Variants in HMCN2 observed in about 807,000 individuals in gnomAD.
HMCN2 encodes hemicentin-2.
Under a neutral mutation model 377.5 loss-of-function variants are expected in HMCN2, and 325 were observed. The ratio of observed to expected loss-of-function variants is 0.86; its 90% CI spans 0.79 to 0.94. The LOEUF (loss-of-function observed/expected upper bound fraction) is 0.94, where lower values mean the gene tolerates loss of function less well. Among genes scored for constraint, HMCN2 ranks in the 40% least tolerant of loss-of-function variants. The pLI, the probability that HMCN2 is intolerant of heterozygous loss-of-function variation, is 0.00. For missense variants in HMCN2, 4,543 were observed against 4,725.3 expected, an observed-to-expected ratio of 0.96 and a Z score of 1.13; for synonymous variants, 2,007 against 2,046.8, an observed-to-expected ratio of 0.98 and a Z score of 0.53.
chr9:130,303,220 G>A lies in HMCN2; in HGVS notation c.1421+219G>A, dbSNP rs1836618060. Among the ~76,000 whole-genome samples the A allele has an allele frequency of 6.6e-6, 1 of 152,212 alleles. No individual in the cohort carries two copies. Among genetic ancestry groups the A allele is most frequent in the Admixed American group, 6.5e-5 (1 of 15,278 alleles). ...GGGCCATCAGCTGGTGAAGGAGCCGGGGGCCTTCCTCAGCTCCTGGAAAAC... is the reference window on the plus strand; with the variant it reads ...GGGCCATCAGCTGGTGAAGGAGCCGAGGGCCTTCCTCAGCTCCTGGAAAAC... On this transcript the variant is annotated intron_variant, in intron 9 of 97. Coordinates refer to ENST00000683500, the MANE Select transcript of HMCN2 (RefSeq NM_001291815.2). This position sits in a 1 kb window ranked among gnomAD's most constrained non-coding sequence, Gnocchi z 5.2.
chr9:130,429,686 G>T lies in HMCN2; in HGVS notation c.14326+1G>T, dbSNP rs866837160. On this transcript the variant is annotated splice_donor_variant, in intron 94 of 97. Coordinates refer to ENST00000683500, the MANE Select transcript of HMCN2 (RefSeq NM_001291815.2). LOFTEE classifies it high-confidence loss of function. ...CAGGGCCCCAGCCTGCCCTGCCTAGGTACGGGGACACCCACCCTCTGGCCA... is the reference window on the plus strand; with the variant it reads ...CAGGGCCCCAGCCTGCCCTGCCTAGTTACGGGGACACCCACCCTCTGGCCA... 21 of 1,501,216 alleles carry T rather than the reference G, an allele frequency of 1.4e-5. 1 individual carries two copies. Among genetic ancestry groups the T allele is most frequent in the Non-Finnish European group, 1.8e-5 (20 of 1,119,628 alleles). 93.0% of individuals were successfully genotyped at this position (1,501,216 alleles called of 1,614,324 possible).
At chr9:130,343,338 G>A (rs1839164377) in intron 25 of HMCN2, among the ~76,000 whole-genome samples, 1 of 152,200 alleles carries the variant, frequency 6.6e-6, no homozygotes, top group Admixed American at 6.5e-5. Context: ...ACAGGAGCCT[G>A]GGGGGCGTCT....
chr9:130,424,980 ACT>A, intron 88 of HMCN2, 27 bp from the exon 89 acceptor site: 2 of 1,523,768 alleles, frequency 1.3e-6, no homozygotes, highest in South Asian at 2.5e-5. Context: ...TCCCGTGGTG[ACT>A]CTGGGCTGGG....
chr9:130,299,391 GTGTT>G (rs1377750568), intron 8 of HMCN2, 103 bp downstream of exon 8: 2 of 361,614 alleles, frequency 5.5e-6, no homozygotes, highest in Non-Finnish European at 1.2e-5. Flanking sequence ...AGATTAGAAA[GTGTT>G]TGTTCATTAA....
At chr9:130,335,927 T>C (rs1588261495) in intron 22 of HMCN2, among the ~76,000 whole-genome samples, 2 of 152,126 alleles carry the variant, frequency 1.3e-5, no homozygotes, top group Non-Finnish European at 2.9e-5. Flanking sequence ...TCCTACCTCC[T>C]CCATGGAATG....
chr9:130,362,876 G>C lies in HMCN2; in HGVS notation c.6118G>C (p.Gly2040Arg). The change falls in exon 40 of 98, where the codon GGG becomes CGG. Residue 2040 changes from glycine (G) to arginine (R), a missense_variant. Physicochemically the swap from Gly to Arg is moderately radical, Grantham distance 125. This residue lies in a region of HMCN2 where 1,032 missense variants were observed against 1,285.1 expected (regional missense o/e 0.80). Transcript: ENST00000683500. ...CCCCCTGGGGTCACAGGTCTTCCCT[G>C]GGGGCCGGGTCCTCACCTTGGCTAG... ...AGTPGLQVFP[G>R]GRVLTLASAR... is the part of the protein sequence containing the mutation. The C allele has an allele frequency of 8.1e-6, 8 of 985,936 alleles. No homozygotes were observed. The highest frequency in any genetic ancestry group is 9.6e-6 in the Non-Finnish European group (8 of 829,960). The allele number at this position is 985,936 out of a possible 1,614,324, so 61.1% of individuals were successfully genotyped here. A position where few individuals can be genotyped will look rare whatever the true frequency, so the allele number is the denominator to read the frequency against.
At position 130,295,757 on chromosome 9, in the gene HMCN2, G is replaced by T. The variant is rs1554931852; in HGVS notation, c.876G>T (p.Gly292=). The T allele has an allele frequency of 2.1e-6, 1 of 470,906 alleles. No individual in the cohort carries two copies. 29.2% of individuals were successfully genotyped at this position (470,906 alleles called of 1,614,324 possible). The change falls in exon 6 of 98, where the codon GGG becomes GGT. Residue 292 remains glycine, a synonymous_variant. Transcript: ENST00000683500. ...TAGCCTTTAAGCCTGAGCATCCGGGGCTGTGGTCCATCAAGGTAGGGGCAC... is the reference window on the plus strand; with the variant it reads ...TAGCCTTTAAGCCTGAGCATCCGGGTCTGTGGTCCATCAAGGTAGGGGCAC... ...KVVAFKPEHP[G]LWSIKVYSSG...
intron 87 of HMCN2, 68 bp from the exon 88 acceptor site, chr9:130,424,708 A>T: frequency 7.0e-7 from 1 of 1,434,652 alleles, no homozygotes; most frequent in Non-Finnish European, 9.2e-7. Context: ...CCATGACGGG[A>T]CCTTGAACAG....
Position 130,407,605 on chromosome 9 carries a change from G to A in HMCN2, c.12588G>A (p.Leu4196=), listed in dbSNP as rs1189020541. 7.8e-7 allele frequency: 1 copy of A among 1,289,174 alleles called. No individual in the cohort carries two copies. Among genetic ancestry groups the A allele is most frequent in the Non-Finnish European group, 1.0e-6 (1 of 988,598 alleles). 79.9% of individuals were successfully genotyped at this position (1,289,174 alleles called of 1,614,324 possible). Residue 4196 remains leucine, a synonymous_variant, in exon 83 of 98, where the codon CTG becomes CTA. Coordinates refer to ENST00000683500, the MANE Select transcript of HMCN2 (RefSeq NM_001291815.2). ...CTGAGCAGGATGGAGGCAGCACGCT[G>A]CAGCGGGCCGCTGTCTCCAGAGAAG... ...GVSEQDGGST[L]QRAAVSREDS...
At chr9:130,267,766 G>C (rs1554919743) in intron 1 of HMCN2, among the ~76,000 whole-genome samples, 4 of 152,192 alleles carry the variant, frequency 2.6e-5, no homozygotes, top group Non-Finnish European at 1.5e-5. Context: ...TCTAGACAAA[G>C]ATTTCTAGGA....
At chr9:130,398,812 C>A in intron 75 of HMCN2, 105 bp downstream of exon 75, 1 of 1,018,528 alleles carries the variant, frequency 9.8e-7, no homozygotes, top group Non-Finnish European at 1.3e-6. Context: ...GTGCTCAGGT[C>A]TCACCGGAGT....
chr9:130,337,464 A>C (rs1838815400), intron 22 of HMCN2, among the ~76,000 whole-genome samples: 1 of 152,134 alleles, frequency 6.6e-6, no homozygotes, highest in African/African-American at 2.4e-5. Context: ...TGCCACCCAC[A>C]GTCAACAGGT....
chr9:130,320,547 C>A (rs1468164285), intron 17 of HMCN2, 96 bp downstream of exon 17: 1 of 152,450 alleles, frequency 6.6e-6, no homozygotes, highest in Non-Finnish European at 1.5e-5. Context: ...CAGGGAGCCT[C>A]TCCTGGCCCA....
In HMCN2 at chr9:130,369,672, C is replaced by T. The variant is rs1181838843; in HGVS notation, c.6890C>T (p.Pro2297Leu). ...TGCAACGCCACAGGGAAACCCCCTC[C>T]GACAGTGACATGGGAGCGGGACGGC... Reference protein sequence around the residue: ...LECNATGKPPPTVTWERDGQP... With the variant: ...LECNATGKPPLTVTWERDGQP... The change falls in exon 45 of 98, where the codon CCG becomes CTG. Residue 2297 changes from proline to leucine, a missense_variant. By Grantham distance (98) the Pro-to-Leu change is moderately conservative. Around this residue, in one of 5 missense-constraint regions of HMCN2, gnomAD observed 1,032 missense variants for 1,285.1 expected, o/e 0.80. Coordinates refer to ENST00000683500, the MANE Select transcript of HMCN2 (RefSeq NM_001291815.2). The surrounding 1 kb of genome is among the most constrained non-coding windows in gnomAD (Gnocchi z 4.5). 5.3e-5 allele frequency: 52 copies of T among 985,852 alleles called. No homozygotes were observed. The highest frequency in any genetic ancestry group is 7.0e-5 in the African/African-American group (4 of 57,234). The allele number at this position is 985,852 out of a possible 1,614,324, so 61.1% of individuals were successfully genotyped here.
In HMCN2 at chr9:130,361,161, A is replaced by G. The variant is rs1840367513; in HGVS notation, c.5950+557A>G. On this transcript the variant is annotated intron_variant, in intron 38 of 97. Transcript: ENST00000683500. This position sits in a 1 kb window ranked among gnomAD's most constrained non-coding sequence, Gnocchi z 4.8. ...GCGGAGACTGGACCTAGAGCCCTAG[A>G]TAAGACAGACCTAGGAGCTTTCAGT... Among the ~76,000 whole-genome samples, 1 of 152,210 alleles carries G rather than the reference A, an allele frequency of 6.6e-6. No individual in the cohort carries two copies. The highest frequency in any genetic ancestry group is 2.1e-4 in the South Asian group (1 of 4,834).
chr9:130,303,959 C>T lies in HMCN2; in HGVS notation c.1543+351C>T, dbSNP rs1483468816. Among the ~76,000 whole-genome samples the T allele has an allele frequency of 2.0e-5, 3 of 152,182 alleles. No homozygotes were observed. The highest frequency in any genetic ancestry group is 1.3e-4 in the Admixed American group (2 of 15,278). ...CAAGTCCCGGCCAGGATGGCGCCAT[C>T]GAGCTGGGGAGGTTGGATACACCAC... On this transcript the variant is annotated intron_variant, in intron 10 of 97. Transcript: ENST00000683500. The surrounding 1 kb of genome is among the most constrained non-coding windows in gnomAD (Gnocchi z 5.2).
intron 84 of HMCN2, among the ~76,000 whole-genome samples, chr9:130,409,870 C>T (rs553009987): frequency 5.9e-5 from 9 of 152,126 alleles, no homozygotes; most frequent in Non-Finnish European, 1.0e-4. Context: ...GGGTGTGGCC[C>T]CCCAGATACC....
At chr9:130,302,326 G>A (rs1318879498) in intron 8 of HMCN2, among the ~76,000 whole-genome samples, 7 of 152,208 alleles carry the variant, frequency 4.6e-5, no homozygotes, top group Non-Finnish European at 1.0e-4. Context: ...GATTACAGGC[G>A]TGAGCCATCG....
chr9:130,396,051 G>C lies in HMCN2; in HGVS notation c.11039G>C (p.Arg3680Pro). ...NAAGSTSVAF[R>P]VEIHTVPTIR... ...GCAGGCAGCACTAGTGTCGCCTTCC[G>C]CGTGGAGATCCACAGTGAGTAGGGC... is the stretch of plus-strand genomic sequence containing the variant. The change falls in exon 72 of 98, where the codon CGC (arginine) becomes CCC (proline). Residue 3680 changes from arginine (R) to proline (P), a missense_variant. Around this residue, in one of 5 missense-constraint regions of HMCN2, gnomAD observed 1,073 missense variants for 1,319.5 expected, o/e 0.81. Transcript: ENST00000683500. The C allele has an allele frequency of 7.8e-7, 1 of 1,284,100 alleles. No individual in the cohort carries two copies. Among genetic ancestry groups the C allele is most frequent in the Non-Finnish European group, 1.0e-6 (1 of 986,762 alleles). 79.5% of individuals were successfully genotyped at this position (1,284,100 alleles called of 1,614,324 possible).
Sources: allele counts gnomAD v4.1 joint callset (sites outside exome capture counted in the v4.1 genomes callset), GRCh38; gene constraint gnomAD v4.1.1; regional missense constraint gnomAD v4.1.1; non-coding constraint Gnocchi (gnomAD v3.1); transcripts MANE v1.5; gene names NCBI Gene and HGNC (gene_info 2026-07-23, HGNC 2026-07-21).